The following PLEKHM1 variants were observed in gnomAD, a reference collection of about 807,000 sequenced individuals.
PLEKHM1 encodes pleckstrin homology and RUN domain containing M1.
A neutral mutation model predicts 94.3 loss-of-function variants in PLEKHM1; 28 were observed. The ratio of observed to expected loss-of-function variants is 0.30; its 90% CI spans 0.22 to 0.41. The LOEUF (loss-of-function observed/expected upper bound fraction) is 0.41. PLEKHM1 is among the 10% of genes least tolerant of loss of function. PLEKHM1 has a pLI of 1.00. For missense variants in PLEKHM1, 907 were observed against 1,358.6 expected, an observed-to-expected ratio of 0.67 and a Z score of 5.22; for synonymous variants, 424 against 581.2, an observed-to-expected ratio of 0.73 and a Z score of 3.89.
chr17:45,453,111 A>C lies in PLEKHM1; in HGVS notation c.2497+244T>G. On this transcript the variant is annotated intron_variant, in intron 7 of 11. Transcript: ENST00000430334. This position sits in a 1 kb window ranked among gnomAD's most constrained non-coding sequence, Gnocchi z 4.1. Reference sequence around the variant, plus strand: ...GCAGTGAGTAGCCAGCCTGCCGCCCATCAGTGGGAGGTGGCAGGAGAGGGA... The same window carrying C: ...GCAGTGAGTAGCCAGCCTGCCGCCCCTCAGTGGGAGGTGGCAGGAGAGGGA... The C allele has an allele frequency of 1.6e-6, 1 of 609,718 alleles. No homozygotes were observed. Among genetic ancestry groups the C allele is most frequent in the Non-Finnish European group, 2.9e-6 (1 of 343,052 alleles). The allele number at this position is 609,718 out of a possible 1,614,324, so 37.8% of individuals were successfully genotyped here.
intron 11 of PLEKHM1, 34 bp from the exon 12 acceptor site, chr17:45,438,003 C>A (rs1376168547): frequency 6.4e-7 from 1 of 1,566,284 alleles, no homozygotes; most frequent in Admixed American, 1.7e-5. Context: ...CTGGTGCCGG[C>A]TGGGCTGGAG....
At chr17:45,474,180 C>T (rs77132763) in intron 4 of PLEKHM1, among the ~76,000 whole-genome samples, 18,270 of 151,718 alleles carry the variant, frequency 0.12, 1,520 homozygotes, top group Middle Eastern at 0.21. Flanking sequence ...CCTCAGCCGC[C>T]CATGTAGCTG....
chr17:45,440,141 G>A lies in PLEKHM1; in HGVS notation c.2901+22C>T, dbSNP rs751032265. On this transcript the variant is annotated intron_variant, in intron 10 of 11. Coordinates refer to ENST00000430334, the MANE Select transcript of PLEKHM1 (RefSeq NM_014798.3). Reference sequence around the variant, plus strand: ...ATGAAGTCTCTCTAGAGGTCTGGGCGGGGGAAGCATGACACTCTTACCTGT... The same window carrying A: ...ATGAAGTCTCTCTAGAGGTCTGGGCAGGGGAAGCATGACACTCTTACCTGT... 3.1e-5 allele frequency: 50 copies of A among 1,606,268 alleles called. No homozygotes were observed. The Middle Eastern group carries it at 1.2e-3, about 37-fold the overall frequency.
At chr17:45,461,458 T>C (rs2051150056) in intron 5 of PLEKHM1, among the ~76,000 whole-genome samples, 1 of 152,240 alleles carries the variant, frequency 6.6e-6, no homozygotes, top group Non-Finnish European at 1.5e-5. Flanking sequence ...TAAAAAACCA[T>C]TGCCTAAGTC....
intron 5 of PLEKHM1, among the ~76,000 whole-genome samples, chr17:45,461,700 C>T (rs2051156895): frequency 1.3e-5 from 2 of 152,248 alleles, no homozygotes. Context: ...CATTGGCCGC[C>T]TCTGTCTCTG....
At chr17:45,476,832 T>A (rs895506818) in intron 3 of PLEKHM1, among the ~76,000 whole-genome samples, 3 of 152,138 alleles carry the variant, frequency 2.0e-5, no homozygotes, top group Non-Finnish European at 4.4e-5. Flanking sequence ...ATCTCCTCCA[T>A]GGGAATGTAG....
chr17:45,489,191 A>G (rs2052225118), intron 1 of PLEKHM1, among the ~76,000 whole-genome samples: 1 of 152,132 alleles, frequency 6.6e-6, no homozygotes, highest in Non-Finnish European at 1.5e-5. Flanking sequence ...GCGATTCAAG[A>G]GCCTCTGTAC....
In PLEKHM1 at chr17:45,464,284, C is replaced by T. The variant is rs966971726; in HGVS notation, c.1308+3925G>A. Among the ~76,000 whole-genome samples, 7 of 152,306 alleles carry T rather than the reference C, an allele frequency of 4.6e-5. No homozygotes were observed. In the Middle Eastern group the frequency reaches 0.01, roughly 222 times the overall value. Reference sequence around the variant, plus strand: ...GGCCTTTGTCTGTCCTGTTGTATCACTCTACCCCTAGGACCTAACATGGTG... The same window carrying T: ...GGCCTTTGTCTGTCCTGTTGTATCATTCTACCCCTAGGACCTAACATGGTG... On this transcript the variant is annotated intron_variant, in intron 5 of 11. Coordinates refer to ENST00000430334, the MANE Select transcript of PLEKHM1 (RefSeq NM_014798.3).
Position 45,437,802 on chromosome 17 carries a change from G to C in PLEKHM1, c.*56C>G, listed in dbSNP as rs781688638. 6.5e-6 allele frequency: 9 copies of C among 1,375,956 alleles called. No individual in the cohort carries two copies. The highest frequency in any genetic ancestry group is 8.3e-6 in the Non-Finnish European group (8 of 963,126). 85.2% of individuals were successfully genotyped at this position (1,375,956 alleles called of 1,614,324 possible). A position where few individuals can be genotyped will look rare whatever the true frequency, so the allele number is the denominator to read the frequency against. On this transcript the variant is annotated 3_prime_UTR_variant, in exon 12 of 12. Transcript: ENST00000430334. This position sits in a 1 kb window ranked among gnomAD's most constrained non-coding sequence, Gnocchi z 4.0. ...TCCTGGGCTGATGGCAAACCCAGCC[G>C]GGATGGCTGAGCCACACTCACCCCC...
chr17:45,453,650 G>C lies in PLEKHM1; in HGVS notation c.2202C>G (p.Ile734Met). 1 of 1,612,408 alleles carries C rather than the reference G, an allele frequency of 6.2e-7. No homozygotes were observed. Among genetic ancestry groups the C allele is most frequent in the Non-Finnish European group, 8.5e-7 (1 of 1,179,134 alleles). Reference sequence around the variant, plus strand: ...GGCCCCCAAGGCTGGTGTCTGGCAGGATGTCCCGGATGGTCTCCACGCCGT... The same window carrying C: ...GGCCCCCAAGGCTGGTGTCTGGCAGCATGTCCCGGATGGTCTCCACGCCGT... ...DSHGVETIRD[I>M]LPDTSLGGPS... The change falls in exon 7 of 12, where the codon ATC becomes ATG. Residue 734 changes from isoleucine (I) to methionine (M), a missense_variant. Around this residue, in one of 3 missense-constraint regions of PLEKHM1, gnomAD observed 254 missense variants for 451.1 expected, o/e 0.56. Transcript: ENST00000430334. The surrounding 1 kb of genome is among the most constrained non-coding windows in gnomAD (Gnocchi z 4.1).
chr17:45,438,367 AC>A, intron 11 of PLEKHM1, among the ~76,000 whole-genome samples: 1 of 151,870 alleles, frequency 6.6e-6, no homozygotes, highest in East Asian at 2.0e-4. Context: ...CCCTGTCTCT[AC>A]TAAAAATACA....
chr17:45,451,766 G>T (rs960527994), intron 7 of PLEKHM1, among the ~76,000 whole-genome samples: 4 of 152,102 alleles, frequency 2.6e-5, no homozygotes, highest in African/African-American at 9.7e-5. Context: ...GTGGGTGGCA[G>T]CCATGGTGAG....
In PLEKHM1 at chr17:45,436,449, C is replaced by T. The variant is rs755004152; in HGVS notation, c.*1409G>A. The T allele has an allele frequency of 9.1e-5, 41 of 452,786 alleles. No individual in the cohort carries two copies. The highest frequency in any genetic ancestry group is 2.1e-4 in the Admixed American group (9 of 42,518). The allele number at this position is 452,786 out of a possible 1,614,324, so 28.0% of individuals were successfully genotyped here. The stretch of plus-strand genomic sequence containing the variant: ...CTGGGTGGGTGACTCAGCAGCTAAT[C>T]GCCCCCAGGGAAGGGTGGGGGTGGG... On this transcript the variant is annotated 3_prime_UTR_variant, in exon 12 of 12. Transcript: ENST00000430334.
intron 4 of PLEKHM1, among the ~76,000 whole-genome samples, chr17:45,472,035 T>C (rs1383977971): frequency 2.4e-4 from 37 of 152,258 alleles, no homozygotes; most frequent in Admixed American, 2.4e-3. Flanking sequence ...GTGTCTTTTA[T>C]GCTTTTCTTT....
intron 2 of PLEKHM1, among the ~76,000 whole-genome samples, chr17:45,479,688 AAAAAC>A (rs56104486): frequency 0.014 from 2,070 of 151,314 alleles, 38 homozygotes; most frequent in African/African-American, 0.047. Flanking sequence ...TCCATCTCAG[AAAAAC>A]AAAACAAAAC....
At position 45,436,611 on chromosome 17, in the gene PLEKHM1, A is replaced by T; in HGVS notation, c.*1247T>A. ...GCGACAGAGAGACCAGCAAACCCAC[A>T]TTTCCCCGAAGCCTGGAGGGTCTGA... On this transcript the variant is annotated 3_prime_UTR_variant, in exon 12 of 12. Coordinates refer to ENST00000430334, the MANE Select transcript of PLEKHM1 (RefSeq NM_014798.3). 1 of 453,912 alleles carries T rather than the reference A, an allele frequency of 2.2e-6. No individual in the cohort carries two copies. The highest frequency in any genetic ancestry group is 4.4e-6 in the Non-Finnish European group (1 of 226,604). 28.1% of individuals were successfully genotyped at this position (453,912 alleles called of 1,614,324 possible).
Position 45,485,746 on chromosome 17 carries a change from A to C in PLEKHM1, c.-41-3221T>G, listed in dbSNP as rs1198489920. Reference sequence around the variant, plus strand: ...AACCCTATCTCTAATTAAAAAAAAAAACAAAAATTAGCCAGGCATGGTGGC... The same window carrying C: ...AACCCTATCTCTAATTAAAAAAAAACACAAAAATTAGCCAGGCATGGTGGC... On this transcript the variant is annotated intron_variant, in intron 1 of 11. Coordinates refer to ENST00000430334, the MANE Select transcript of PLEKHM1 (RefSeq NM_014798.3). 4.0e-5 allele frequency among the ~76,000 whole-genome samples: 6 copies of C among 151,056 alleles called. No homozygotes were observed. In the South Asian group the frequency reaches 1.0e-3, roughly 26 times the overall value.
Position 45,468,216 on chromosome 17 carries a change from G to C in PLEKHM1, c.1301C>G (p.Thr434Ser), listed in dbSNP as rs1349266858. 6.2e-7 allele frequency: 1 copy of C among 1,613,044 alleles called. No individual in the cohort carries two copies. The highest frequency in any genetic ancestry group is 8.5e-7 in the Non-Finnish European group (1 of 1,179,810). ...ACGGCTTGCACCACTCACCGGACTGGTGGGTGAGGAAACTACCAGCTTCAG... is the reference window on the plus strand; with the variant it reads ...ACGGCTTGCACCACTCACCGGACTGCTGGGTGAGGAAACTACCAGCTTCAG... The part of the protein sequence containing the change: ...AGLKLVVSSP[T>S]SPKNKSWISE... The change falls in exon 5 of 12, where the codon ACC (threonine) becomes AGC (serine). Residue 434 changes from threonine to serine, a missense_variant. Physicochemically the swap from Thr to Ser is moderately conservative, Grantham distance 58 (BLOSUM62 1). Transcript: ENST00000430334.
intron 6 of PLEKHM1, chr17:45,454,683 TCTTC>T (rs2050890834): frequency 2.7e-6 from 1 of 373,228 alleles, no homozygotes; most frequent in Admixed American, 3.9e-5. Context: ...GTCACTGCTT[TCTTC>T]CTTCTCTATG....
Sources: allele counts gnomAD v4.1 joint callset (sites outside exome capture counted in the v4.1 genomes callset), GRCh38; gene constraint gnomAD v4.1.1; regional missense constraint gnomAD v4.1.1; non-coding constraint Gnocchi (gnomAD v3.1); transcripts MANE v1.5; gene names NCBI Gene and HGNC (gene_info 2026-07-23, HGNC 2026-07-21).